Variants in PHYKPL observed in about 807,000 individuals in gnomAD.
PHYKPL encodes 5-phosphonooxy-L-lysine phospho-lyase.
In PHYKPL, 42 loss-of-function variants were observed where a neutral mutation model predicts 51.3. That is an observed-to-expected ratio of 0.82 (90% CI 0.64 to 1.06). PHYKPL has a LOEUF of 1.06. Ranked by LOEUF, PHYKPL falls within the 50% of genes least tolerant of loss-of-function variation. The probability of loss-of-function intolerance (pLI) is 0.00; values close to 1 mark genes in which losing one functional copy is unlikely to be tolerated. For missense variants in PHYKPL, 655 were observed against 586.6 expected, an observed-to-expected ratio of 1.12 and a Z score of -1.20; for synonymous variants, 264 against 236.0, an observed-to-expected ratio of 1.12 and a Z score of -1.09.
chr5:178,216,335 C>A (rs1004718549), intron 8 of PHYKPL: 1 of 152,198 alleles, frequency 6.6e-6, no homozygotes, highest in African/African-American at 2.4e-5. Context: ...GCTCTCACCA[C>A]TGGCTACCTT....
chr5:178,228,739 CGCCT>C (rs989607434), intron 3 of PHYKPL: 2 of 644,110 alleles, frequency 3.1e-6, no homozygotes, highest in Non-Finnish European at 2.8e-6. Context: ...ACACTGTAAT[CGCCT>C]GCCTGTTTGT....
chr5:178,229,574 C>T (rs1762969426), intron 3 of PHYKPL: 2 of 186,960 alleles, frequency 1.1e-5, no homozygotes, highest in South Asian at 2.2e-4. Context: ...ACACTTCCTC[C>T]AGAGCCCTCC....
At chr5:178,221,430 T>C (rs539634510) in intron 8 of PHYKPL, among the ~76,000 whole-genome samples, 14 of 152,174 alleles carry the variant, frequency 9.2e-5, no homozygotes, top group African/African-American at 3.4e-4. Context: ...CTTCCACTCA[T>C]CCTCCACGCT....
rs917536309 is a variant in PHYKPL, at chr5:178,224,684, G to C, written c.459C>G (p.Tyr153Ter). Residue 153 changes from tyrosine to a stop codon, truncating the protein, a stop_gained, in exon 5 of 13, where the codon TAC becomes TAG. Transcript: ENST00000308158. LOFTEE classifies it high-confidence loss of function. Reference protein sequence around the residue: ...HLSSLIDISPYKFRNLDGQKE... With the variant: ...HLSSLIDISP ...TCTGGCCATCCAGGTTGCGGAACTTGTAGGGACTGATGTCAATCAGGGAGC... is the reference window on the plus strand; with the variant it reads ...TCTGGCCATCCAGGTTGCGGAACTTCTAGGGACTGATGTCAATCAGGGAGC... 3 of 1,614,116 alleles carry C rather than the reference G, an allele frequency of 1.9e-6. No individual in the cohort carries two copies. The highest frequency in any genetic ancestry group is 3.3e-5 in the Admixed American group (2 of 60,008).
chr5:178,213,126 C>T (rs1176024281), intron 10 of PHYKPL, 23 bp from the exon 11 acceptor site: 2 of 1,612,576 alleles, frequency 1.2e-6, no homozygotes, highest in Admixed American at 3.3e-5. Context: ...GACACCCCTT[C>T]ACATGGCCTT....
chr5:178,224,683 T>C lies in PHYKPL; in HGVS notation c.460A>G (p.Lys154Glu). The change falls in exon 5 of 13, where the codon AAG becomes GAG. Residue 154 changes from lysine (K) to glutamate (E), a missense_variant. Lys to Glu is a moderately conservative substitution (Grantham distance 56, BLOSUM62 1). Coordinates refer to ENST00000308158, the MANE Select transcript of PHYKPL (RefSeq NM_153373.4). ...LSSLIDISPYKFRNLDGQKEW... is the reference protein window; with the variant it reads ...LSSLIDISPYEFRNLDGQKEW... ...TTCTGGCCATCCAGGTTGCGGAACT[T>C]GTAGGGACTGATGTCAATCAGGGAG... The C allele has an allele frequency of 6.2e-7, 1 of 1,614,118 alleles. No individual in the cohort carries two copies. Among genetic ancestry groups the C allele is most frequent in the Non-Finnish European group, 8.5e-7 (1 of 1,180,020 alleles).
intron 10 of PHYKPL, among the ~76,000 whole-genome samples, chr5:178,213,545 TC>T (rs1759104848): frequency 1.3e-5 from 2 of 152,248 alleles, no homozygotes; most frequent in African/African-American, 4.8e-5. Flanking sequence ...TGCCCTGTCT[TC>T]CGGGTTATCT....
chr5:178,217,550 GA>G (rs1581253712), intron 8 of PHYKPL, among the ~76,000 whole-genome samples: 3 of 142,506 alleles, frequency 2.1e-5, no homozygotes, highest in South Asian at 2.2e-4. Flanking sequence ...GCAGATGAAA[GA>G]ATCAGTGAAA....
chr5:178,225,293 G>C, intron 4 of PHYKPL, 62 bp downstream of exon 4: 2 of 1,588,524 alleles, frequency 1.3e-6, no homozygotes, highest in Non-Finnish European at 1.7e-6. Flanking sequence ...TCAGTCTCAC[G>C]GATCACCAAG....
intron 8 of PHYKPL, chr5:178,216,659 G>A (rs765148651): frequency 2.6e-5 from 4 of 152,182 alleles, no homozygotes; most frequent in East Asian, 1.9e-4. Context: ...GCCCAGACAC[G>A]GGAGGAAAAA....
At chr5:178,227,769 T>C (rs1323988709) in intron 3 of PHYKPL, among the ~76,000 whole-genome samples, 1 of 151,696 alleles carries the variant, frequency 6.6e-6, no homozygotes, top group African/African-American at 2.4e-5. Flanking sequence ...TCTAATGGAG[T>C]TGACAAGAAT....
intron 7 of PHYKPL, 108 bp from the exon 8 acceptor site, chr5:178,222,688 G>A: frequency 7.2e-7 from 1 of 1,381,010 alleles, no homozygotes; most frequent in Non-Finnish European, 1.0e-6. Context: ...AGTAAGGTGG[G>A]GACCTTGGGC....
At chr5:178,224,954 C>G (rs566390235) in intron 4 of PHYKPL, 5 of 571,848 alleles carry the variant, frequency 8.7e-6, no homozygotes, top group African/African-American at 3.7e-5. Context: ...TAATCTCTCT[C>G]GGTTGTTTTC....
chr5:178,215,461 C>A, intron 8 of PHYKPL, 31 bp from the exon 9 acceptor site: 1 of 1,587,902 alleles, frequency 6.3e-7, no homozygotes, highest in Non-Finnish European at 8.6e-7. Context: ...ATGTCAGATG[C>A]CCTGGCAGAG....
At chr5:178,213,403 AAG>A (rs1238889355) in intron 10 of PHYKPL, among the ~76,000 whole-genome samples, 2 of 152,244 alleles carry the variant, frequency 1.3e-5, no homozygotes, top group African/African-American at 4.8e-5. Flanking sequence ...GCCAGACTGC[AAG>A]AGTCACCTGC....
Position 178,232,720 on chromosome 5 carries a change from G to C in PHYKPL, c.-170C>G. 1 of 729,722 alleles carries C rather than the reference G, an allele frequency of 1.4e-6. No individual in the cohort carries two copies. The highest frequency in any genetic ancestry group is 1.9e-5 in the African/African-American group (1 of 53,540). 45.2% of individuals were successfully genotyped at this position (729,722 alleles called of 1,614,324 possible). On this transcript the variant is annotated 5_prime_UTR_variant, in exon 1 of 13. Coordinates refer to ENST00000308158, the MANE Select transcript of PHYKPL (RefSeq NM_153373.4). Reference sequence around the variant, plus strand: ...CCGCGTTGCGGTGGTTCATTTCTTCGCTTGCCCACTGGGCCTGGCAGCCTT... The same window carrying C: ...CCGCGTTGCGGTGGTTCATTTCTTCCCTTGCCCACTGGGCCTGGCAGCCTT...
chr5:178,218,049 C>G, intron 8 of PHYKPL, among the ~76,000 whole-genome samples: 1 of 129,968 alleles, frequency 7.7e-6, no homozygotes, highest in African/African-American at 3.1e-5. Flanking sequence ...AACCCCGTCT[C>G]TACTAAAAAA....
At chr5:178,208,083 A>C (rs11743721), downstream of PHYKPL, among the ~76,000 whole-genome samples, 34,592 of 152,048 alleles carry the variant, frequency 0.23, 4,712 homozygotes, top group East Asian at 0.35. Context: ...CTTTCAAATG[A>C]GTGGATTCAT....
intron 3 of PHYKPL, chr5:178,228,572 G>T: frequency 1.4e-6 from 1 of 702,550 alleles, no homozygotes; most frequent in Non-Finnish European, 2.6e-6. Flanking sequence ...TCCTTTCTTT[G>T]AACTGCTGTT....
Sources: gnomAD v4.1 joint callset for allele counts (sites outside exome capture counted in the v4.1 genomes callset) on GRCh38, gnomAD v4.1.1 for gene constraint, MANE v1.5 for transcripts, NCBI Gene and HGNC (gene_info 2026-07-23, HGNC 2026-07-21) for gene names.